The following NRIP1 variants were observed in gnomAD, a reference collection of about 807,000 sequenced individuals.
NRIP1 encodes nuclear receptor-interacting protein 1.
Under a neutral mutation model 75.0 loss-of-function variants are expected in NRIP1, and 28 were observed. The ratio of observed to expected loss-of-function variants is 0.37; its 90% CI spans 0.28 to 0.51. The LOEUF (loss-of-function observed/expected upper bound fraction) is 0.51. NRIP1 is among the 20% of genes least tolerant of loss of function. The pLI, the probability that NRIP1 is intolerant of heterozygous loss-of-function variation, is 0.92. For synonymous variants in NRIP1, 526 were observed against 487.6 expected (o/e 1.08, Z -1.04); for missense variants, 1,435 against 1,343.7 (o/e 1.07, Z -1.06).
chr21:15,022,404 G>A (rs2088400190), intron 2 of NRIP1, among the ~76,000 whole-genome samples: 1 of 152,146 alleles, frequency 6.6e-6, no homozygotes, highest in Admixed American at 6.5e-5. Context: ...GTGGGGGGAG[G>A]GAGAGCATCA....
chr21:15,058,766 A>G (rs1423949174), intron 1 of NRIP1, among the ~76,000 whole-genome samples: 1 of 152,234 alleles, frequency 6.6e-6, no homozygotes, highest in Non-Finnish European at 1.5e-5. Context: ...TGCACATGTT[A>G]TGAAGAGTAT....
At chr21:15,000,332 T>C (rs1204503224) in intron 3 of NRIP1, among the ~76,000 whole-genome samples, 1 of 152,180 alleles carries the variant, frequency 6.6e-6, no homozygotes, top group Non-Finnish European at 1.5e-5. Flanking sequence ...TGGTTGAGGA[T>C]TCCTTATTCA....
chr21:14,983,593 A>G (rs1249993726), intron 3 of NRIP1, among the ~76,000 whole-genome samples: 1 of 152,224 alleles, frequency 6.6e-6, no homozygotes, highest in Non-Finnish European at 1.5e-5. Flanking sequence ...ATAGAGACAA[A>G]ACAGCCTTAA....
intron 3 of NRIP1, among the ~76,000 whole-genome samples, chr21:14,983,922 G>C (rs1373646575): frequency 6.6e-6 from 1 of 152,110 alleles, no homozygotes; most frequent in African/African-American, 2.4e-5. Context: ...AATATTACAG[G>C]CCATGTACCT....
At chr21:15,029,512 A>G (rs1421536037) in intron 2 of NRIP1, among the ~76,000 whole-genome samples, 2 of 152,188 alleles carry the variant, frequency 1.3e-5, no homozygotes, top group Non-Finnish European at 2.9e-5. Context: ...GCACTTAATA[A>G]GATACCATAA....
Position 14,967,141 on chromosome 21 carries a change from C to T in NRIP1, c.1052G>A (p.Gly351Asp), listed in dbSNP as rs2086774268. 1 of 1,613,944 alleles carries T rather than the reference C, an allele frequency of 6.2e-7. No individual in the cohort carries two copies. Among genetic ancestry groups the T allele is most frequent in the Non-Finnish European group, 8.5e-7 (1 of 1,179,984 alleles). ...SSATVFQNPM[G>D]IIPSSPKNAG... The stretch of plus-strand genomic sequence containing the variant: ...ATTTTTAGGGGAAGAAGGAATGATA[C>T]CCATTGGATTTTGAAACACTGTAGC... Residue 351 changes from glycine to aspartate, a missense_variant, in exon 4 of 4, where the codon GGT (glycine) becomes GAT (aspartate). By Grantham distance (94) the Gly-to-Asp change is moderately conservative. Transcript: ENST00000318948.
Position 14,985,221 on chromosome 21 carries a change from C to T in NRIP1, c.-334-16695G>A, listed in dbSNP as rs544166181. ...GAACATGCTGTAAACAGCAAGTAAA[C>T]CTTTTGGAGCCTTGGTCTGCAAAAT... On this transcript the variant is annotated intron_variant, in intron 3 of 3. Coordinates refer to ENST00000318948, the MANE Select transcript of NRIP1 (RefSeq NM_003489.4). 2.0e-5 allele frequency among the ~76,000 whole-genome samples: 3 copies of T among 152,276 alleles called. No individual in the cohort carries two copies. The South Asian group carries it at 6.2e-4, about 32-fold the overall frequency.
At chr21:15,018,053 C>T (rs2088278067) in intron 2 of NRIP1, among the ~76,000 whole-genome samples, 1 of 152,080 alleles carries the variant, frequency 6.6e-6, no homozygotes, top group Admixed American at 6.5e-5. Context: ...CAGTTCAAGT[C>T]AGTGAAACTG....
rs901205901 is a variant in NRIP1, at chr21:15,027,011, T to C, written c.-457-12545A>G. Among the ~76,000 whole-genome samples the C allele has an allele frequency of 9.2e-5, 14 of 152,192 alleles. No homozygotes were observed. In the East Asian group the frequency reaches 2.1e-3, roughly 23 times the overall value. On this transcript the variant is annotated intron_variant, in intron 2 of 3. Transcript: ENST00000318948. ...AACATCTCTGTACCCCATGAATATA[T>C]ACACTTGTACCCACAAAAACTAAAT...
intron 3 of NRIP1, chr21:14,992,109 C>G (rs2087589169): frequency 1.3e-5 from 2 of 152,538 alleles, no homozygotes; most frequent in African/African-American, 4.8e-5. Context: ...GTGACCATGA[C>G]TCACTGCAGC....
intron 3 of NRIP1, among the ~76,000 whole-genome samples, chr21:14,975,541 C>A (rs2087032703): frequency 6.6e-6 from 1 of 150,758 alleles, no homozygotes. Context: ...CACTGGAGCC[C>A]AGGAGTTTGA....
At chr21:14,987,557 A>G (rs2087441183) in intron 3 of NRIP1, among the ~76,000 whole-genome samples, 1 of 152,208 alleles carries the variant, frequency 6.6e-6, no homozygotes. Context: ...TCAAAGGAAG[A>G]CAAATGTTCC....
chr21:14,998,266 A>G (rs1332929498), intron 3 of NRIP1, among the ~76,000 whole-genome samples: 3 of 152,212 alleles, frequency 2.0e-5, no homozygotes, highest in African/African-American at 7.2e-5. Flanking sequence ...TTTAACCTGA[A>G]TATTTATCTG....
chr21:15,026,334 A>T (rs2088520515), intron 2 of NRIP1, among the ~76,000 whole-genome samples: 1 of 152,224 alleles, frequency 6.6e-6, no homozygotes, highest in African/African-American at 2.4e-5. Context: ...CAAGATCATA[A>T]TACGATGCCA....
At chr21:14,973,678 ATT>A (rs11293384) in intron 3 of NRIP1, among the ~76,000 whole-genome samples, 141 of 142,084 alleles carry the variant, frequency 9.9e-4, no homozygotes, top group Middle Eastern at 3.5e-3. Flanking sequence ...AGCTCGCATA[ATT>A]TTTTTTTTTT....
chr21:14,963,022 C>T lies in NRIP1; in HGVS notation c.*1694G>A, dbSNP rs996339174. Reference sequence around the variant, plus strand: ...ACTGAACATAAAAACAGACCTGTTTCGCAACTGAAACCCCATGTGGCTTCA... The same window carrying T: ...ACTGAACATAAAAACAGACCTGTTTTGCAACTGAAACCCCATGTGGCTTCA... On this transcript the variant is annotated 3_prime_UTR_variant, in exon 4 of 4. Coordinates refer to ENST00000318948, the MANE Select transcript of NRIP1 (RefSeq NM_003489.4). 5 of 152,268 alleles carry T rather than the reference C, an allele frequency of 3.3e-5. No homozygotes were observed. Among genetic ancestry groups the T allele is most frequent in the Non-Finnish European group, 4.4e-5 (3 of 67,932 alleles). The allele number at this position is 152,268 out of a possible 1,614,324, so 9.4% of individuals were successfully genotyped here.
At position 14,964,547 on chromosome 21, in the gene NRIP1, A is replaced by C; in HGVS notation, c.*169T>G. On this transcript the variant is annotated 3_prime_UTR_variant, in exon 4 of 4. Transcript: ENST00000318948. Reference sequence around the variant, plus strand: ...AGTTTCCTCATGACATCTAATGTTAAGCAAAAATTAGTATGCATATTTCAA... The same window carrying C: ...AGTTTCCTCATGACATCTAATGTTACGCAAAAATTAGTATGCATATTTCAA... 2 of 542,578 alleles carry C rather than the reference A, an allele frequency of 3.7e-6. No individual in the cohort carries two copies. Among genetic ancestry groups the C allele is most frequent in the Non-Finnish European group, 6.2e-6 (2 of 322,444 alleles). 33.6% of individuals were successfully genotyped at this position (542,578 alleles called of 1,614,324 possible). A position where few individuals can be genotyped will look rare whatever the true frequency, so the allele number is the denominator to read the frequency against.
At chr21:15,027,267 T>C (rs891847389) in intron 2 of NRIP1, among the ~76,000 whole-genome samples, 3 of 152,216 alleles carry the variant, frequency 2.0e-5, no homozygotes, top group African/African-American at 4.8e-5. Context: ...TCTGATTCTA[T>C]GCTCGATGGT....
chr21:15,040,677 A>G (rs1412848803), intron 2 of NRIP1, among the ~76,000 whole-genome samples: 1 of 152,062 alleles, frequency 6.6e-6, no homozygotes, highest in Non-Finnish European at 1.5e-5. Context: ...ATACGATCAT[A>G]AGTACATAGA....
Sources: gnomAD v4.1 joint callset for allele counts (sites outside exome capture counted in the v4.1 genomes callset) on GRCh38, gnomAD v4.1.1 for gene constraint, MANE v1.5 for transcripts, NCBI Gene and HGNC (gene_info 2026-07-23, HGNC 2026-07-21) for gene names.